The following GRID1 variants were observed in gnomAD, a reference collection of about 807,000 sequenced individuals.
GRID1 encodes the protein glutamate ionotropic receptor delta type subunit 1, also known as glutamate receptor ionotropic, delta-1.
Under a neutral mutation model 98.0 loss-of-function variants are expected in GRID1, and 28 were observed. The ratio of observed to expected loss-of-function variants is 0.29; its 90% CI spans 0.21 to 0.39. The LOEUF (loss-of-function observed/expected upper bound fraction) is 0.39, where lower values mean the gene tolerates loss of function less well. GRID1 is among the 10% of genes least tolerant of loss of function. The pLI, the probability that GRID1 is intolerant of heterozygous loss-of-function variation, is 1.00. For missense variants in GRID1, 1,111 were observed against 1,340.5 expected, an observed-to-expected ratio of 0.83 and a Z score of 2.67; for synonymous variants, 553 against 538.5, an observed-to-expected ratio of 1.03 and a Z score of -0.37.
intron 3 of GRID1, among the ~76,000 whole-genome samples, chr10:86,167,075 C>T (rs1845409547): frequency 6.6e-6 from 1 of 152,252 alleles, no homozygotes. Flanking sequence ...GGGAAGGCCT[C>T]TCCCTCCCTG....
intron 3 of GRID1, among the ~76,000 whole-genome samples, chr10:86,180,602 A>G (rs193257495): frequency 6.6e-6 from 1 of 152,240 alleles, no homozygotes; most frequent in Non-Finnish European, 1.5e-5. Context: ...AGCTTTAAAG[A>G]ACAAAACCCA....
intron 2 of GRID1, among the ~76,000 whole-genome samples, chr10:86,338,191 A>T (rs970709138): frequency 5.9e-5 from 9 of 151,830 alleles, no homozygotes; most frequent in African/African-American, 2.2e-4. Flanking sequence ...TAGGCACATG[A>T]CCCAGGCTGG....
chr10:85,768,748 A>C (rs1239605454), intron 8 of GRID1, among the ~76,000 whole-genome samples: 3 of 152,260 alleles, frequency 2.0e-5, no homozygotes, highest in Non-Finnish European at 2.9e-5. Flanking sequence ...CTGCAGTAAC[A>C]AGGCTATAAG....
At chr10:86,100,231 C>G (rs1181070071) in intron 4 of GRID1, among the ~76,000 whole-genome samples, 1 of 152,164 alleles carries the variant, frequency 6.6e-6, no homozygotes. Flanking sequence ...CCTTGACTCT[C>G]CCAACAGCAT....
At chr10:85,639,327 T>C (rs192663838) in intron 13 of GRID1, among the ~76,000 whole-genome samples, 163 of 152,322 alleles carry the variant, frequency 1.1e-3, no homozygotes, top group African/African-American at 3.6e-3. Flanking sequence ...CAAATACATA[T>C]ATTCTGTATG....
chr10:86,092,868 T>A (rs1025118274), intron 4 of GRID1, among the ~76,000 whole-genome samples: 22 of 152,204 alleles, frequency 1.4e-4, no homozygotes, highest in African/African-American at 5.1e-4. Flanking sequence ...ATTTAAACTA[T>A]ACCTTGGAAC....
intron 12 of GRID1, among the ~76,000 whole-genome samples, chr10:85,707,505 A>T (rs1841534079): frequency 6.6e-6 from 1 of 152,200 alleles, no homozygotes; most frequent in Non-Finnish European, 1.5e-5. Flanking sequence ...ACACTTTTAC[A>T]CTGTTGGTGG....
intron 4 of GRID1, among the ~76,000 whole-genome samples, chr10:86,105,415 T>C (rs1007472655): frequency 2.0e-5 from 3 of 152,130 alleles, no homozygotes; most frequent in African/African-American, 7.2e-5. Flanking sequence ...CTGTTACAGA[T>C]GCCCTGTTTG....
chr10:85,687,532 A>C (rs1841283569), intron 12 of GRID1, among the ~76,000 whole-genome samples: 5 of 152,198 alleles, frequency 3.3e-5, no homozygotes, highest in Admixed American at 3.3e-4. Flanking sequence ...TGGGAGGCTG[A>C]GGCAGGAGGG....
intron 4 of GRID1, among the ~76,000 whole-genome samples, chr10:85,957,346 C>T (rs1221012345): frequency 6.6e-6 from 1 of 152,100 alleles, no homozygotes. Flanking sequence ...TATCCTCCAG[C>T]CTCACACACC....
intron 4 of GRID1, among the ~76,000 whole-genome samples, chr10:85,924,520 C>T (rs779383258): frequency 6.6e-6 from 1 of 152,146 alleles, no homozygotes; most frequent in Non-Finnish European, 1.5e-5. Context: ...TTGTACTGAG[C>T]GTTGAACCTC....
At chr10:85,696,929 A>C (rs1193402436) in intron 12 of GRID1, among the ~76,000 whole-genome samples, 1 of 151,938 alleles carries the variant, frequency 6.6e-6, no homozygotes, top group Non-Finnish European at 1.5e-5. Flanking sequence ...ATTTCCTGTG[A>C]AGTTTCTAGA....
chr10:86,272,928 A>T (rs938006651), intron 2 of GRID1, among the ~76,000 whole-genome samples: 1 of 152,134 alleles, frequency 6.6e-6, no homozygotes, highest in African/African-American at 2.4e-5. Flanking sequence ...TATTATTATT[A>T]TACTTTAAGT....
intron 2 of GRID1, among the ~76,000 whole-genome samples, chr10:86,269,035 G>A (rs1190437398): frequency 1.3e-5 from 2 of 152,254 alleles, no homozygotes; most frequent in Admixed American, 1.3e-4. Context: ...GCAGACTTGG[G>A]TTCAAATCCA....
intron 2 of GRID1, among the ~76,000 whole-genome samples, chr10:86,262,344 A>G (rs1206458350): frequency 6.6e-6 from 1 of 152,236 alleles, no homozygotes; most frequent in Non-Finnish European, 1.5e-5. Flanking sequence ...CCAGGGGCTT[A>G]CTAGGCACTG....
intron 2 of GRID1, among the ~76,000 whole-genome samples, chr10:86,319,779 G>C (rs766396528): frequency 2.6e-5 from 4 of 152,212 alleles, no homozygotes; most frequent in African/African-American, 4.8e-5. Flanking sequence ...GCTTTCAGGA[G>C]GATCTGCTGT....
chr10:86,360,015 T>C (rs1016367355), intron 2 of GRID1, among the ~76,000 whole-genome samples: 4 of 152,202 alleles, frequency 2.6e-5, no homozygotes, highest in South Asian at 4.1e-4. Context: ...ATTGACCAAA[T>C]GTCCTAAAAG....
intron 4 of GRID1, among the ~76,000 whole-genome samples, chr10:86,132,234 G>A (rs1165050177): frequency 6.6e-6 from 1 of 152,116 alleles, no homozygotes; most frequent in African/African-American, 2.4e-5. Context: ...TGGGGACAGA[G>A]GAGGAAAGGG....
At chr10:85,976,476 C>T (rs745683125) in intron 4 of GRID1, among the ~76,000 whole-genome samples, 12 of 152,234 alleles carry the variant, frequency 7.9e-5, no homozygotes, top group Non-Finnish European at 1.8e-4. Context: ...ATGGCACCTC[C>T]TTCAGGTGAG....
Sources: gnomAD v4.1 joint callset for allele counts (sites outside exome capture counted in the v4.1 genomes callset) on GRCh38, gnomAD v4.1.1 for gene constraint, MANE v1.5 for transcripts, NCBI Gene and HGNC (gene_info 2026-07-23, HGNC 2026-07-21) for gene names.